PNLDC1: variants seen among roughly 807,000 people sequenced by gnomAD.
The protein encoded by PNLDC1 is poly(A)-specific ribonuclease PNLDC1.
In PNLDC1, 70 loss-of-function variants were observed where a neutral mutation model predicts 82.0. The ratio of observed to expected loss-of-function variants is 0.85; its 90% CI spans 0.70 to 1.04. The LOEUF (loss-of-function observed/expected upper bound fraction) is 1.04. PNLDC1 is among the 50% of genes least tolerant of loss of function. The pLI is 0.00. For missense variants in PNLDC1, 631 were observed against 661.1 expected, an observed-to-expected ratio of 0.95 and a Z score of 0.50; for synonymous variants, 280 against 249.3, an observed-to-expected ratio of 1.12 and a Z score of -1.16.
chr6:159,814,411 ATC>A (rs1471492611), intron 12 of PNLDC1, among the ~76,000 whole-genome samples: 20 of 152,202 alleles, frequency 1.3e-4, no homozygotes, highest in African/African-American at 4.8e-4. Flanking sequence ...ATGTGGCCTC[ATC>A]CACCCCCTGG....
rs775284378 is a variant in PNLDC1, at chr6:159,818,999, C to T, written c.1311C>T (p.Ser437=). Residue 437 remains serine, a synonymous_variant, in exon 17 of 19, where the codon AGC becomes AGT. Coordinates refer to ENST00000392167, the MANE Select transcript of PNLDC1 (RefSeq NM_001271862.2). The part of the protein sequence containing the change: ...PSIRPPILIL[S]VKRWPGVSEQ... Reference sequence around the variant, plus strand: ...TCCGACCTCCCATCCTCATCCTCAGCGTCAAAAGGTGGCCTGGGGTCAGCG... The same window carrying T: ...TCCGACCTCCCATCCTCATCCTCAGTGTCAAAAGGTGGCCTGGGGTCAGCG... 9.3e-6 allele frequency: 15 copies of T among 1,613,910 alleles called. No individual in the cohort carries two copies. Among genetic ancestry groups the T allele is most frequent in the East Asian group, 8.9e-5 (4 of 44,892 alleles).
At chr6:159,810,302 G>A (rs34938311) in intron 10 of PNLDC1, among the ~76,000 whole-genome samples, 2,756 of 152,274 alleles carry the variant, frequency 0.018, 42 homozygotes, top group South Asian at 0.042. Context: ...TGTCAAGGGG[G>A]AAAAAATTTA....
chr6:159,804,120 C>A, intron 5 of PNLDC1, 32 bp downstream of exon 5: 1 of 1,607,800 alleles, frequency 6.2e-7, no homozygotes, highest in Non-Finnish European at 8.5e-7. Context: ...ACGGGAATGT[C>A]TTTTGTTTGT....
chr6:159,804,477 C>T (rs557364549), intron 5 of PNLDC1, 72 bp from the exon 6 acceptor site: 407 of 1,041,268 alleles, frequency 3.9e-4, no homozygotes, highest in Non-Finnish European at 5.2e-4. Flanking sequence ...TACCTGTCCT[C>T]GTGAAATCAG....
At chr6:159,804,738 C>T (rs980803311) in intron 6 of PNLDC1, 101 bp downstream of exon 6, 5 of 813,812 alleles carry the variant, frequency 6.1e-6, no homozygotes, top group Non-Finnish European at 9.9e-6. Context: ...TGACCTCCAT[C>T]CATGCTTGGC....
chr6:159,805,968 T>G lies in PNLDC1; in HGVS notation c.462-15T>G. 6.2e-7 allele frequency: 1 copy of G among 1,602,692 alleles called. No individual in the cohort carries two copies. The highest frequency in any genetic ancestry group is 8.6e-7 in the Non-Finnish European group (1 of 1,169,522). Reference sequence around the variant, plus strand: ...TTTTTCTCTGACATGTTCACTTTCATGCGCCCATTTTCAGCTCTCCGGATA... The same window carrying G: ...TTTTTCTCTGACATGTTCACTTTCAGGCGCCCATTTTCAGCTCTCCGGATA... On this transcript the variant is annotated splice_polypyrimidine_tract_variant and intron_variant, in intron 6 of 18. Transcript: ENST00000392167.
chr6:159,811,739 T>C lies in PNLDC1; in HGVS notation c.892T>C (p.Phe298Leu), dbSNP rs1354637288. ...DQFKQNIHSL[F>L]PVLIDTKSVT... ...ATTTAAGCAGAATATCCACAGCCTA[T>C]TTCCTGTTCTCATTGATACCAAGAG... The change falls in exon 11 of 19, where the codon TTT becomes CTT. Residue 298 changes from phenylalanine to leucine, a missense_variant. Phe to Leu is a conservative substitution (Grantham distance 22). Coordinates refer to ENST00000392167, the MANE Select transcript of PNLDC1 (RefSeq NM_001271862.2). 6.2e-7 allele frequency: 1 copy of C among 1,613,808 alleles called. No homozygotes were observed. The highest frequency in any genetic ancestry group is 1.3e-5 in the African/African-American group (1 of 75,050).
intron 11 of PNLDC1, 22 bp downstream of exon 11, chr6:159,811,808 G>A: frequency 6.5e-7 from 1 of 1,545,166 alleles, no homozygotes; most frequent in Non-Finnish European, 8.9e-7. Flanking sequence ...AACTGCTTTG[G>A]GTTAAGAACT....
Position 159,803,257 on chromosome 6 carries a change from G to A in PNLDC1, c.209-14G>A, listed in dbSNP as rs1209823961. 4 of 1,613,734 alleles carry A rather than the reference G, an allele frequency of 2.5e-6. No homozygotes were observed. Among genetic ancestry groups the A allele is most frequent in the African/African-American group, 2.7e-5 (2 of 74,984 alleles). On this transcript the variant is annotated splice_polypyrimidine_tract_variant and intron_variant, in intron 3 of 18. Coordinates refer to ENST00000392167, the MANE Select transcript of PNLDC1 (RefSeq NM_001271862.2). Reference sequence around the variant, plus strand: ...TTTCCTTGGCATTCATTCCCTCTACGGTCATTCTTCCAGGATTGTCTGTGT... The same window carrying A: ...TTTCCTTGGCATTCATTCCCTCTACAGTCATTCTTCCAGGATTGTCTGTGT...
intron 11 of PNLDC1, 119 bp from the exon 12 acceptor site, chr6:159,813,482 G>A: frequency 1.2e-6 from 1 of 824,878 alleles, no homozygotes; most frequent in South Asian, 1.5e-5. Context: ...TGAAGAGAAA[G>A]AGGAGGTTGT....
At chr6:159,803,470 C>T in intron 4 of PNLDC1, 160 bp downstream of exon 4, 1 of 647,796 alleles carries the variant, frequency 1.5e-6, no homozygotes, top group African/African-American at 1.8e-5. Flanking sequence ...CTGCGGATTC[C>T]AGCTTGTCTT....
At position 159,801,031 on chromosome 6, in the gene PNLDC1, C is replaced by T. The variant is rs188653357; in HGVS notation, c.135-82C>T. On this transcript the variant is annotated intron_variant, in intron 2 of 18. Coordinates refer to ENST00000392167, the MANE Select transcript of PNLDC1 (RefSeq NM_001271862.2). ...ACAAGGAAAAAATCCTCCCCGGTTG[C>T]GAGTGGTGGTCCTGCCGCGGAGGCC... 14 of 1,510,628 alleles carry T rather than the reference C, an allele frequency of 9.3e-6. No individual in the cohort carries two copies. The East Asian group carries it at 1.8e-4, about 20-fold the overall frequency. The allele number at this position is 1,510,628 out of a possible 1,614,324, so 93.6% of individuals were successfully genotyped here.
chr6:159,818,771 C>A, intron 16 of PNLDC1, 117 bp downstream of exon 16: 1 of 1,208,240 alleles, frequency 8.3e-7, no homozygotes, highest in Non-Finnish European at 1.2e-6. Context: ...GAGATGAGAG[C>A]TGGGTTTTTC....
At chr6:159,818,828 C>A in intron 16 of PNLDC1, 118 bp from the exon 17 acceptor site, 1 of 1,298,452 alleles carries the variant, frequency 7.7e-7, no homozygotes, top group Non-Finnish European at 1.1e-6. Flanking sequence ...CTCATCCTTC[C>A]TTCTCTTCCC....
intron 18 of PNLDC1, among the ~76,000 whole-genome samples, chr6:159,820,004 G>A (rs1229360058): frequency 3.3e-5 from 5 of 152,166 alleles, no homozygotes; most frequent in Non-Finnish European, 5.9e-5. Flanking sequence ...CTGTGGAGGC[G>A]AGACGCTGTG....
intron 7 of PNLDC1, among the ~76,000 whole-genome samples, chr6:159,806,686 T>C (rs745629606): frequency 3.9e-5 from 6 of 152,224 alleles, no homozygotes; most frequent in Non-Finnish European, 8.8e-5. Flanking sequence ...AGGCCAATCT[T>C]AGTAGCAGCC....
intron 12 of PNLDC1, among the ~76,000 whole-genome samples, chr6:159,815,606 C>T (rs1419427071): frequency 6.6e-6 from 1 of 152,206 alleles, no homozygotes; most frequent in Non-Finnish European, 1.5e-5. Flanking sequence ...CCTGGCGTGA[C>T]TGTCATGCCT....
intron 6 of PNLDC1, among the ~76,000 whole-genome samples, chr6:159,805,428 G>A (rs755424295): frequency 1.3e-5 from 2 of 152,202 alleles, no homozygotes; most frequent in African/African-American, 2.4e-5. Flanking sequence ...TGTTATGTTG[G>A]AGGAATTTTT....
chr6:159,800,578 G>C, intron 1 of PNLDC1, 194 bp from the exon 2 acceptor site: 1 of 1,468,100 alleles, frequency 6.8e-7, no homozygotes, highest in Non-Finnish European at 9.3e-7. Context: ...CACGTCCCTT[G>C]TTGGCCAGAG....
Sources: allele counts gnomAD v4.1 joint callset (sites outside exome capture counted in the v4.1 genomes callset), GRCh38; gene constraint gnomAD v4.1.1; transcripts MANE v1.5; gene names NCBI Gene and HGNC (gene_info 2026-07-23, HGNC 2026-07-21).